DTNBP1: variants seen among roughly 807,000 people sequenced by gnomAD.
DTNBP1 encodes the protein dysbindin.
Under a neutral mutation model 42.8 loss-of-function variants are expected in DTNBP1, and 35 were observed. That is an observed-to-expected ratio of 0.82 (90% CI 0.63 to 1.09). The LOEUF is 1.09. Among genes scored for constraint, DTNBP1 ranks in the 50% least tolerant of loss-of-function variants. The pLI is 0.00. For synonymous variants in DTNBP1, 171 were observed against 162.2 expected, an observed-to-expected ratio of 1.05 and a Z score of -0.41; for missense variants, 457 against 424.2, an observed-to-expected ratio of 1.08 and a Z score of -0.68.
At chr6:15,628,778 G>A (rs1186869660) in intron 4 of DTNBP1, among the ~76,000 whole-genome samples, 2 of 152,126 alleles carry the variant, frequency 1.3e-5, no homozygotes, top group African/African-American at 4.8e-5. Context: ...AATAAATTAA[G>A]AAAGAACTTT....
chr6:15,640,819 A>T (rs1760299257), intron 3 of DTNBP1, among the ~76,000 whole-genome samples: 1 of 152,152 alleles, frequency 6.6e-6, no homozygotes, highest in South Asian at 2.1e-4. Context: ...TGGAGGGTAA[A>T]CTGAGGTTCA....
At chr6:15,661,590 G>A (rs1761633901) in intron 1 of DTNBP1, among the ~76,000 whole-genome samples, 1 of 141,866 alleles carries the variant, frequency 7.0e-6, no homozygotes, top group Admixed American at 7.4e-5. Context: ...CGGTTGCAGT[G>A]AGCCGAGATC....
intron 7 of DTNBP1, among the ~76,000 whole-genome samples, chr6:15,552,776 T>C (rs1271992595): frequency 6.6e-6 from 1 of 152,250 alleles, no homozygotes; most frequent in Non-Finnish European, 1.5e-5. Context: ...TGAACTCTCC[T>C]GATAACACAT....
intron 5 of DTNBP1, among the ~76,000 whole-genome samples, chr6:15,626,935 G>GA (rs1344733351): frequency 1.3e-5 from 2 of 151,984 alleles, no homozygotes; most frequent in East Asian, 1.9e-4. Flanking sequence ...CGTTTGAAGA[G>GA]AAAAAAATAC....
chr6:15,600,637 G>T (rs1776692596), intron 6 of DTNBP1, among the ~76,000 whole-genome samples: 1 of 152,166 alleles, frequency 6.6e-6, no homozygotes, highest in Admixed American at 6.5e-5. Flanking sequence ...ACGTGGGCTA[G>T]AACTCCGGAA....
intron 1 of DTNBP1, among the ~76,000 whole-genome samples, chr6:15,653,612 G>C (rs866593729): frequency 1.5e-4 from 23 of 152,210 alleles, no homozygotes; most frequent in African/African-American, 5.3e-4. Flanking sequence ...CACTGGCCCA[G>C]TTTTACTTTA....
Position 15,651,356 on chromosome 6 carries a change from GAA to G in DTNBP1, c.116_117del (p.Val39AlafsTer14), listed in dbSNP as rs1760981855. 6.2e-7 allele frequency: 1 copy of G among 1,610,020 alleles called. No individual in the cohort carries two copies. ...EAKVKSKPRT[V>X]PFLPKYSAGL... ...CCAGCAGAGTACTTTGGCAAAAATG[GAA>G]CAGTCCTGCCCAAAAGAAACACTTA... On this transcript the variant is annotated frameshift_variant, in exon 3 of 10. Transcript: ENST00000344537. LOFTEE classifies it high-confidence loss of function.
chr6:15,613,371 T>C lies in DTNBP1; in HGVS notation c.488+1896A>G, dbSNP rs1758538275. Among the ~76,000 whole-genome samples, 4 of 125,920 alleles carry C rather than the reference T, an allele frequency of 3.2e-5. 1 individual carries two copies. Among genetic ancestry groups the C allele is most frequent in the Non-Finnish European group, 5.2e-5 (3 of 58,236 alleles). 82.6% of individuals were successfully genotyped at this position (125,920 alleles called of 152,430 possible). ...ACACGGACCCCATTTTTTTTTTTTT[T>C]TTTTTTTTTTTTTGAGACGGAGTCT... On this transcript the variant is annotated intron_variant, in intron 6 of 9. Transcript: ENST00000344537.
intron 4 of DTNBP1, among the ~76,000 whole-genome samples, chr6:15,633,049 A>G (rs2113756021): frequency 6.6e-6 from 1 of 152,374 alleles, no homozygotes; most frequent in East Asian, 1.9e-4. Context: ...TTAGAACATC[A>G]TAATTGTTAG....
chr6:15,644,123 C>CA (rs1760533226), intron 3 of DTNBP1, among the ~76,000 whole-genome samples: 8 of 148,756 alleles, frequency 5.4e-5, no homozygotes, highest in Admixed American at 5.4e-4. Flanking sequence ...CAAAAGAGAA[C>CA]AGAGGTTGCT....
chr6:15,566,604 AAATAT>A (rs1380061712), intron 7 of DTNBP1, among the ~76,000 whole-genome samples: 10 of 152,296 alleles, frequency 6.6e-5, no homozygotes, highest in Non-Finnish European at 1.2e-4. Flanking sequence ...GAAGGAAATA[AAATAT>A]TTTATCCCAA....
chr6:15,634,300 T>C (rs991372000), intron 4 of DTNBP1, among the ~76,000 whole-genome samples: 1 of 152,176 alleles, frequency 6.6e-6, no homozygotes, highest in African/African-American at 2.4e-5. Context: ...GAATTCTTTC[T>C]CATTGTTCTA....
At chr6:15,635,170 G>C (rs533390688) in intron 4 of DTNBP1, among the ~76,000 whole-genome samples, 146 of 152,262 alleles carry the variant, frequency 9.6e-4, no homozygotes, top group African/African-American at 3.4e-3. Context: ...CCAGGCTGGA[G>C]TGCAGTGGCA....
chr6:15,571,972 T>C (rs543536340), intron 7 of DTNBP1, among the ~76,000 whole-genome samples: 2 of 152,336 alleles, frequency 1.3e-5, no homozygotes, highest in South Asian at 4.1e-4. Flanking sequence ...CCAATTTCCA[T>C]GTGAATAACT....
At chr6:15,559,890 G>A (rs1774744405) in intron 7 of DTNBP1, among the ~76,000 whole-genome samples, 1 of 152,174 alleles carries the variant, frequency 6.6e-6, no homozygotes, top group Non-Finnish European at 1.5e-5. Flanking sequence ...CCACAACCAG[G>A]AGGATGCAGA....
intron 5 of DTNBP1, 135 bp downstream of exon 5, chr6:15,627,208 T>C (rs1164171619): frequency 8.7e-7 from 1 of 1,152,066 alleles, no homozygotes; most frequent in East Asian, 2.5e-5. Context: ...AATCAAAATA[T>C]GAAATCATGA....
chr6:15,537,244 A>T (rs977783369), intron 7 of DTNBP1, among the ~76,000 whole-genome samples: 18 of 110,458 alleles, frequency 1.6e-4, no homozygotes, highest in Admixed American at 1.5e-3. Flanking sequence ...CATGGTGGTC[A>T]TGTATTTTTT....
intron 7 of DTNBP1, among the ~76,000 whole-genome samples, chr6:15,572,589 T>C (rs1369651515): frequency 6.6e-6 from 1 of 152,232 alleles, no homozygotes; most frequent in African/African-American, 2.4e-5. Flanking sequence ...TTTATGTGTA[T>C]CAATGCAGTC....
intron 7 of DTNBP1, among the ~76,000 whole-genome samples, chr6:15,536,139 A>G (rs1773215231): frequency 6.6e-6 from 1 of 152,258 alleles, no homozygotes; most frequent in South Asian, 2.1e-4. Flanking sequence ...GAAAAGCAAA[A>G]CATAAAAGTT....
Sources: gnomAD v4.1 joint callset for allele counts (sites outside exome capture counted in the v4.1 genomes callset) on GRCh38, gnomAD v4.1.1 for gene constraint, MANE v1.5 for transcripts, NCBI Gene and HGNC (gene_info 2026-07-23, HGNC 2026-07-21) for gene names.